The following APPL1 variants were observed in gnomAD, a reference collection of about 807,000 sequenced individuals.
APPL1 encodes the protein DCC-interacting protein 13-alpha.
APPL1 carries 42 observed loss-of-function variants against 106.8 expected under a neutral mutation model. That is an observed-to-expected ratio of 0.39 (90% CI 0.31 to 0.51). APPL1 has a LOEUF of 0.51. APPL1 is among the 20% of genes least tolerant of loss of function. The pLI is 0.75. For missense variants in APPL1, 769 were observed against 858.2 expected, an observed-to-expected ratio of 0.90 and a Z score of 1.30; for synonymous variants, 263 against 281.8, an observed-to-expected ratio of 0.93 and a Z score of 0.67.
Position 57,273,119 on chromosome 3 carries a change from C to G in APPL1, c.*3432C>G, listed in dbSNP as rs1260794657. 1.3e-5 allele frequency: 2 copies of G among 152,600 alleles called. No homozygotes were observed. The highest frequency in any genetic ancestry group is 4.8e-5 in the African/African-American group (2 of 41,456). 9.5% of individuals were successfully genotyped at this position (152,600 alleles called of 1,614,324 possible). On this transcript the variant is annotated 3_prime_UTR_variant, in exon 22 of 22. Coordinates refer to ENST00000288266, the MANE Select transcript of APPL1 (RefSeq NM_012096.3). The stretch of plus-strand genomic sequence containing the variant: ...TTTTTAACCAATCTCTGTGGCTTCA[C>G]TCATGAAATTTACTTCAGTTAATAT...
intron 7 of APPL1, 82 bp downstream of exon 7, chr3:57,242,996 A>G (rs891482809): frequency 1.4e-5 from 14 of 981,356 alleles, no homozygotes; most frequent in Non-Finnish European, 2.2e-5. Context: ...AAATAGAGCC[A>G]GCAGTTACTT....
At chr3:57,245,547 A>ATTTTTT (rs749542390) in intron 7 of APPL1, among the ~76,000 whole-genome samples, 2 of 143,782 alleles carry the variant, frequency 1.4e-5, no homozygotes, top group Non-Finnish European at 3.1e-5. Context: ...TTCAATATGC[A>ATTTTTT]GTTTTTTTTT....
intron 5 of APPL1, 57 bp from the exon 6 acceptor site, chr3:57,242,044 C>A: frequency 7.8e-7 from 1 of 1,274,648 alleles, no homozygotes; most frequent in Non-Finnish European, 1.1e-6. Flanking sequence ...TTATTGTTTT[C>A]CAAACAAATG....
At chr3:57,229,378 C>G (rs1469869114) in intron 1 of APPL1, among the ~76,000 whole-genome samples, 1 of 151,928 alleles carries the variant, frequency 6.6e-6, no homozygotes, top group Non-Finnish European at 1.5e-5. Flanking sequence ...ATGGATTGCA[C>G]ACTGCCCTGG....
chr3:57,232,044 T>C (rs72875893), intron 1 of APPL1, among the ~76,000 whole-genome samples: 10,744 of 152,198 alleles, frequency 0.071, 1,265 homozygotes, highest in African/African-American at 0.24. Context: ...AGATCATCCA[T>C]TGAGCCAGAA....
At chr3:57,240,056 T>C (rs1245021556) in intron 4 of APPL1, among the ~76,000 whole-genome samples, 1 of 152,002 alleles carries the variant, frequency 6.6e-6, no homozygotes, top group Non-Finnish European at 1.5e-5. Context: ...TTTTATTAGT[T>C]GTAAAAGTTC....
In APPL1 at chr3:57,269,671, G is replaced by A. The variant is rs368624059; in HGVS notation, c.2114G>A (p.Arg705Lys). ...ESDLGEGGKKRESEA is the reference protein window; with the variant it reads ...ESDLGEGGKKKESEA ...GATTTGGGAGAAGGAGGAAAGAAGAGAGAATCAGAAGCATAAGCTTATACT... is the reference window on the plus strand; with the variant it reads ...GATTTGGGAGAAGGAGGAAAGAAGAAAGAATCAGAAGCATAAGCTTATACT... Residue 705 changes from arginine to lysine, a missense_variant, in exon 22 of 22, where the codon AGA becomes AAA. Coordinates refer to ENST00000288266, the MANE Select transcript of APPL1 (RefSeq NM_012096.3). 1 of 1,613,892 alleles carries A rather than the reference G, an allele frequency of 6.2e-7. No individual in the cohort carries two copies. Among genetic ancestry groups the A allele is most frequent in the African/African-American group, 1.3e-5 (1 of 74,916 alleles).
chr3:57,227,833 G>T lies in APPL1; in HGVS notation c.-51G>T. ...AGCTGCGGCGGGCGGGCCGGCGCGG[G>T]GAGCTGTGGGCGGCAGCTGCGTCTC... On this transcript the variant is annotated 5_prime_UTR_variant, in exon 1 of 22. Transcript: ENST00000288266. 2 of 1,419,268 alleles carry T rather than the reference G, an allele frequency of 1.4e-6. No individual in the cohort carries two copies. Among genetic ancestry groups the T allele is most frequent in the Non-Finnish European group, 1.9e-6 (2 of 1,077,228 alleles). The allele number at this position is 1,419,268 out of a possible 1,614,324, so 87.9% of individuals were successfully genotyped here. A position where few individuals can be genotyped will look rare whatever the true frequency, so the allele number is the denominator to read the frequency against.
At chr3:57,236,115 G>A (rs1345879971) in intron 2 of APPL1, among the ~76,000 whole-genome samples, 1 of 150,384 alleles carries the variant, frequency 6.6e-6, no homozygotes, top group Non-Finnish European at 1.5e-5. Context: ...TGTGATCTTG[G>A]GTCACCACAA....
At chr3:57,230,567 C>A in intron 1 of APPL1, 1 of 225,090 alleles carries the variant, frequency 4.4e-6, no homozygotes, top group South Asian at 6.0e-5. Context: ...CAAATAAAAA[C>A]ATTTGAAGAC....
At chr3:57,262,089 C>T (rs543454733) in intron 19 of APPL1, among the ~76,000 whole-genome samples, 6 of 152,226 alleles carry the variant, frequency 3.9e-5, no homozygotes, top group African/African-American at 1.4e-4. Flanking sequence ...TTCATATCCT[C>T]TGCATACTTT....
chr3:57,237,942 T>A (rs926084862), intron 3 of APPL1, 103 bp from the exon 4 acceptor site: 11 of 840,282 alleles, frequency 1.3e-5, no homozygotes, highest in Non-Finnish European at 1.9e-5. Context: ...TTTTTCAAAA[T>A]TTTGGAAGTT....
At position 57,238,109 on chromosome 3, in the gene APPL1, T is replaced by C. The variant is rs145538605; in HGVS notation, c.278T>C (p.Ile93Thr). 8 of 1,608,580 alleles carry C rather than the reference T, an allele frequency of 5.0e-6. No individual in the cohort carries two copies. Among genetic ancestry groups the C allele is most frequent in the South Asian group, 3.3e-5 (3 of 89,686 alleles). ...ACATTGCAACAGTTTTCAAAAGTTA[T>C]AGATGAGGTAAACGTTTATTTTATT... ...SSTLQQFSKV[I>T]DELSSCHAVL... Residue 93 changes from isoleucine (I) to threonine (T), a missense_variant, in exon 4 of 22, where the codon ATA becomes ACA. By Grantham distance (89) the Ile-to-Thr change is moderately conservative. Coordinates refer to ENST00000288266, the MANE Select transcript of APPL1 (RefSeq NM_012096.3).
chr3:57,242,067 G>A (rs376051263), intron 5 of APPL1, 34 bp from the exon 6 acceptor site: 61 of 1,480,232 alleles, frequency 4.1e-5, no homozygotes, highest in Middle Eastern at 3.5e-4. Context: ...TTTCATAAAT[G>A]TGCCAAACTT....
At chr3:57,254,475 A>C (rs1424998731) in intron 13 of APPL1, among the ~76,000 whole-genome samples, 3 of 152,238 alleles carry the variant, frequency 2.0e-5, no homozygotes, top group Non-Finnish European at 4.4e-5. Flanking sequence ...TATTAAGATC[A>C]GTGTGGACTT....
chr3:57,268,162 T>C (rs2060907870), intron 20 of APPL1: 4 of 494,902 alleles, frequency 8.1e-6, no homozygotes, highest in East Asian at 6.6e-5. Flanking sequence ...ATTAGCTCTT[T>C]CATATTAGCA....
chr3:57,242,266 A>ATTTTT, intron 6 of APPL1, 124 bp downstream of exon 6: 1 of 690,342 alleles, frequency 1.4e-6, no homozygotes, highest in East Asian at 2.9e-5. Context: ...AACATTACTT[A>ATTTTT]AATCAGTATT....
At chr3:57,265,576 A>G (rs1444832206) in intron 19 of APPL1, among the ~76,000 whole-genome samples, 1 of 152,204 alleles carries the variant, frequency 6.6e-6, no homozygotes, top group East Asian at 1.9e-4. Context: ...GGCATATAGA[A>G]ATGCTACTAA....
At chr3:57,263,721 T>C (rs1333449691) in intron 19 of APPL1, among the ~76,000 whole-genome samples, 2 of 151,776 alleles carry the variant, frequency 1.3e-5, no homozygotes, top group Non-Finnish European at 2.9e-5. Flanking sequence ...TGAATAGTAC[T>C]CCATTGTGTG....
Sources: gnomAD v4.1 joint callset for allele counts (sites outside exome capture counted in the v4.1 genomes callset) on GRCh38, gnomAD v4.1.1 for gene constraint, MANE v1.5 for transcripts, NCBI Gene and HGNC (gene_info 2026-07-23, HGNC 2026-07-21) for gene names.